Variants in ANTXR1 observed in about 807,000 individuals in gnomAD.
The protein encoded by ANTXR1 is ANTXR cell adhesion molecule 1, also known as anthrax toxin receptor 1.
In ANTXR1, 19 loss-of-function variants were observed where a neutral mutation model predicts 78.1. The observed-to-expected ratio is 0.24, with a 90% CI of 0.17 to 0.36. The LOEUF is 0.36. Ranked by LOEUF, ANTXR1 falls within the 10% of genes least tolerant of loss-of-function variation. The pLI is 1.00. For missense variants in ANTXR1, 518 were observed against 718.6 expected (o/e 0.72, Z 3.19); for synonymous variants, 273 against 260.5 (o/e 1.05, Z -0.46).
At chr2:69,228,151 G>A (rs1460671548) in intron 17 of ANTXR1, among the ~76,000 whole-genome samples, 1 of 152,188 alleles carries the variant, frequency 6.6e-6, no homozygotes, top group Non-Finnish European at 1.5e-5. Context: ...CCCTTAGAAA[G>A]CACAGAGGAT....
chr2:69,024,261 G>A (rs1005846821), intron 1 of ANTXR1, among the ~76,000 whole-genome samples: 6 of 152,198 alleles, frequency 3.9e-5, no homozygotes, highest in African/African-American at 7.2e-5. Context: ...GCATGGAGAT[G>A]TTGAGTAGGC....
At chr2:69,208,113 G>C (rs990796412) in intron 17 of ANTXR1, among the ~76,000 whole-genome samples, 2 of 152,372 alleles carry the variant, frequency 1.3e-5, no homozygotes, top group East Asian at 3.8e-4. Context: ...TCTCAATCCG[G>C]TCTGTGGATT....
chr2:69,145,226 AGGGAC>A, intron 12 of ANTXR1: 1 of 1,232,550 alleles, frequency 8.1e-7, no homozygotes, highest in South Asian at 1.3e-5. Context: ...CTTAAACTTT[AGGGAC>A]CCTCACTTGC....
At position 69,167,060 on chromosome 2, in the gene ANTXR1, C is replaced by T. The variant is rs1021173846; in HGVS notation, c.1048-3188C>T. Among the ~76,000 whole-genome samples, 4 of 152,028 alleles carry T rather than the reference C, an allele frequency of 2.6e-5. No homozygotes were observed. The East Asian group carries it at 5.8e-4, about 22-fold the overall frequency. Reference sequence around the variant, plus strand: ...TGTGGACTGAGCGTGGAGGAGGTAGCGAGCATTTGGGCAGAAGATACTGCA... The same window carrying T: ...TGTGGACTGAGCGTGGAGGAGGTAGTGAGCATTTGGGCAGAAGATACTGCA... On this transcript the variant is annotated intron_variant, in intron 13 of 17. Transcript: ENST00000303714.
chr2:69,234,057 C>G (rs146847687), intron 17 of ANTXR1, among the ~76,000 whole-genome samples: 77 of 152,270 alleles, frequency 5.1e-4, no homozygotes, highest in African/African-American at 1.8e-3. Context: ...AGGCCATTTT[C>G]TCCAACTTAA....
chr2:69,039,360 G>A (rs1669545793), intron 1 of ANTXR1, among the ~76,000 whole-genome samples: 1 of 152,150 alleles, frequency 6.6e-6, no homozygotes, highest in Admixed American at 6.6e-5. Context: ...TCATGATTCC[G>A]TATGTCCTAG....
intron 9 of ANTXR1, among the ~76,000 whole-genome samples, chr2:69,093,025 G>C (rs1671289936): frequency 6.6e-6 from 1 of 152,130 alleles, no homozygotes; most frequent in South Asian, 2.1e-4. Flanking sequence ...TGCAACCTTG[G>C]AATGAATCAG....
intron 12 of ANTXR1, among the ~76,000 whole-genome samples, chr2:69,136,808 GTAACAAAGAAAACTAT>G: frequency 6.6e-6 from 1 of 152,284 alleles, no homozygotes; most frequent in East Asian, 1.9e-4. Context: ...AAATGGAGAG[GTAACAAAGAAAACTAT>G]TAGTTGGGCA....
At chr2:69,170,361 TGGACA>T in intron 14 of ANTXR1, 72 bp downstream of exon 14, 1 of 1,563,230 alleles carries the variant, frequency 6.4e-7, no homozygotes, top group Non-Finnish European at 8.8e-7. Flanking sequence ...GCTGGGCAGC[TGGACA>T]CTTAGCCCCC....
At chr2:69,084,791 C>A (rs1452093876) in intron 8 of ANTXR1, among the ~76,000 whole-genome samples, 1 of 150,564 alleles carries the variant, frequency 6.6e-6, no homozygotes, top group African/African-American at 2.5e-5. Context: ...GGGTAATGTC[C>A]ATGGTTAACA....
intron 1 of ANTXR1, among the ~76,000 whole-genome samples, chr2:69,025,781 A>T (rs937153715): frequency 2.5e-4 from 38 of 152,210 alleles, no homozygotes; most frequent in Middle Eastern, 3.2e-3. Context: ...AAACATCCTA[A>T]TTTGCCCAGG....
At chr2:69,196,981 A>C (rs1483215947) in intron 17 of ANTXR1, among the ~76,000 whole-genome samples, 1 of 152,044 alleles carries the variant, frequency 6.6e-6, no homozygotes, top group African/African-American at 2.4e-5. Flanking sequence ...AGGGAGCCAG[A>C]GCCTAGAGCC....
intron 3 of ANTXR1, among the ~76,000 whole-genome samples, chr2:69,047,425 T>TG (rs1177359784): frequency 1.3e-5 from 2 of 152,196 alleles, no homozygotes; most frequent in African/African-American, 2.4e-5. Context: ...TATTTTCTAA[T>TG]GGGAAGGAAC....
intron 17 of ANTXR1, among the ~76,000 whole-genome samples, chr2:69,232,238 A>C (rs954585813): frequency 6.6e-6 from 1 of 152,240 alleles, no homozygotes; most frequent in African/African-American, 2.4e-5. Context: ...ATCGAATCAA[A>C]AAATGATTAA....
chr2:69,227,450 C>T (rs1239949681), intron 17 of ANTXR1, among the ~76,000 whole-genome samples: 1 of 152,072 alleles, frequency 6.6e-6, no homozygotes, highest in Non-Finnish European at 1.5e-5. Context: ...ACCACAGCAC[C>T]CCAAATGCCC....
intron 8 of ANTXR1, among the ~76,000 whole-genome samples, chr2:69,090,036 C>T (rs1019337079): frequency 6.6e-6 from 1 of 152,126 alleles, no homozygotes; most frequent in Non-Finnish European, 1.5e-5. Context: ...GCTGACTCTC[C>T]ACTCAACCCT....
At position 69,096,328 on chromosome 2, in the gene ANTXR1, G is replaced by C; in HGVS notation, c.703+5409G>C. Among the ~76,000 whole-genome samples the C allele has an allele frequency of 7.0e-4, 7 of 10,054 alleles. 1 individual carries two copies. The African/African-American group carries it at 8.6e-3, about 12-fold the overall frequency. The allele number at this position is 10,054 out of a possible 152,430, so 6.6% of individuals were successfully genotyped here. A position where few individuals can be genotyped will look rare whatever the true frequency, so the allele number is the denominator to read the frequency against. ...AGGGAGGAAGGGAGGAAGGGAGGAA[G>C]GGAGGAAGGGAGGAAGGGAGGAAGG... On this transcript the variant is annotated intron_variant, in intron 9 of 17. Coordinates refer to ENST00000303714, the MANE Select transcript of ANTXR1 (RefSeq NM_032208.3).
chr2:69,065,338 C>T (rs191873909), intron 3 of ANTXR1, among the ~76,000 whole-genome samples: 139 of 147,370 alleles, frequency 9.4e-4, no homozygotes, highest in African/African-American at 3.4e-3. Context: ...GGCAGGAGAA[C>T]TACGTGAACC....
At chr2:69,182,040 T>C (rs1426843997) in intron 15 of ANTXR1, 159 bp downstream of exon 15, 1 of 729,370 alleles carries the variant, frequency 1.4e-6, no homozygotes, top group Non-Finnish European at 2.4e-6. Context: ...CCAAAGCAAA[T>C]TGCTGAAAAC....
Sources: allele counts gnomAD v4.1 joint callset (sites outside exome capture counted in the v4.1 genomes callset), GRCh38; gene constraint gnomAD v4.1.1; transcripts MANE v1.5; gene names NCBI Gene and HGNC (gene_info 2026-07-23, HGNC 2026-07-21).